Variants in PCARE observed in about 807,000 individuals in gnomAD.
PCARE encodes photoreceptor cilium actin regulator.
A neutral mutation model predicts 82.2 loss-of-function variants in PCARE; 72 were observed. The ratio of observed to expected loss-of-function variants is 0.88; its 90% CI spans 0.72 to 1.07. The LOEUF (loss-of-function observed/expected upper bound fraction) is 1.07, where lower values mean the gene tolerates loss of function less well. PCARE is among the 50% of genes least tolerant of loss of function. The pLI, the probability that PCARE is intolerant of heterozygous loss-of-function variation, is 0.00. For missense variants in PCARE, 1,768 were observed against 1,592.4 expected, an observed-to-expected ratio of 1.11 and a Z score of -1.88; for synonymous variants, 705 against 634.8, an observed-to-expected ratio of 1.11 and a Z score of -1.66.
Position 29,072,949 on chromosome 2 carries a change from G to C in PCARE, c.1313C>G (p.Thr438Arg), listed in dbSNP as rs750602329. ...TGGGGAGGTGATATTTTCTGGGCTT[G>C]TACTGGAGAGGCATGGGCTCCTTGC... ...DEARSPCLSS[T>R]SPENITSPPL... The change falls in exon 1 of 2, where the codon ACA (threonine) becomes AGA (arginine). Residue 438 changes from threonine (T) to arginine (R), a missense_variant. Transcript: ENST00000331664. 9.9e-6 allele frequency: 16 copies of C among 1,614,054 alleles called. No individual in the cohort carries two copies. The Admixed American group carries it at 1.7e-4, about 17-fold the overall frequency.
chr2:29,065,133 C>T, intron 1 of PCARE, 66 bp from the exon 2 acceptor site: 1 of 1,503,806 alleles, frequency 6.6e-7, no homozygotes, highest in South Asian at 1.2e-5. Flanking sequence ...TGCCCCACCC[C>T]TGTCCTCCAT....
rs1182199373 is a variant in PCARE at position 29,071,917 on chromosome 2, TGGGGCTTCGGATACAAA to T, written c.2328_2344del (p.Leu777AsnfsTer28). ...TTCTCTGCCTGATGCTGGAGAAATT[TGGGGCTTCGGATACAAA>T]GGGGCAAGCCCTGTGTACTTGGGAA... On this transcript the variant is annotated frameshift_variant, in exon 1 of 2. Coordinates refer to ENST00000331664, the MANE Select transcript of PCARE (RefSeq NM_001029883.3). LOFTEE classifies it high-confidence loss of function. 6.8e-6 allele frequency: 11 copies of T among 1,614,188 alleles called. No individual in the cohort carries two copies. Among genetic ancestry groups the T allele is most frequent in the Non-Finnish European group, 9.3e-6 (11 of 1,180,044 alleles).
Position 29,074,370 on chromosome 2 carries a change from C to T in PCARE, c.-109G>A. 2 of 1,229,662 alleles carry T rather than the reference C, an allele frequency of 1.6e-6. No homozygotes were observed. The highest frequency in any genetic ancestry group is 2.2e-6 in the Non-Finnish European group (2 of 897,870). 76.2% of individuals were successfully genotyped at this position (1,229,662 alleles called of 1,614,324 possible). On this transcript the variant is annotated 5_prime_UTR_variant, in exon 1 of 2. It introduces an in-frame stop codon into an upstream open reading frame of the 5' UTR. Transcript: ENST00000331664. Reference sequence around the variant, plus strand: ...TAGTCCATCCAGGCAATTTTCAGGCCAGAATTCTTTGAAGTCCATGGTACA... The same window carrying T: ...TAGTCCATCCAGGCAATTTTCAGGCTAGAATTCTTTGAAGTCCATGGTACA...
rs962368656 is a variant in PCARE at position 29,074,432 on chromosome 2, T to A, written c.-171A>T. On this transcript the variant is annotated 5_prime_UTR_variant, in exon 1 of 2. Coordinates refer to ENST00000331664, the MANE Select transcript of PCARE (RefSeq NM_001029883.3). ...TTGGAACCAGCTTTCTTTATTTTCT[T>A]GGTCCAAATGTGAAGAGGGAGTGGT... is the stretch of plus-strand genomic sequence containing the variant. 2.6e-5 allele frequency among the ~76,000 whole-genome samples: 4 copies of A among 152,198 alleles called. No individual in the cohort carries two copies. Among genetic ancestry groups the A allele is most frequent in the African/African-American group, 9.6e-5 (4 of 41,464 alleles).
At position 29,072,439 on chromosome 2, in the gene PCARE, G is replaced by T. The variant is rs761008813; in HGVS notation, c.1823C>A (p.Thr608Asn). The T allele has an allele frequency of 2.7e-5, 44 of 1,614,070 alleles. No homozygotes were observed. Among genetic ancestry groups the T allele is most frequent in the Admixed American group, 2.3e-4 (14 of 60,006 alleles). ...CTGGACCCTTCGCAGCTCCTGAAAGGTGGGGTCCTCCACGTGACTCTGGAG... is the reference window on the plus strand; with the variant it reads ...CTGGACCCTTCGCAGCTCCTGAAAGTTGGGGTCCTCCACGTGACTCTGGAG... ...SCLQSHVEDPTFQELRRVQRD... is the reference protein window; with the variant it reads ...SCLQSHVEDPNFQELRRVQRD... Residue 608 changes from threonine (T) to asparagine (N), a missense_variant, in exon 1 of 2, where the codon ACC becomes AAC. Physicochemically the swap from Thr to Asn is moderately conservative, Grantham distance 65. Transcript: ENST00000331664.
intron 1 of PCARE, among the ~76,000 whole-genome samples, chr2:29,066,867 A>C (rs546667880): frequency 6.6e-6 from 1 of 152,338 alleles, no homozygotes; most frequent in Non-Finnish European, 1.5e-5. Context: ...TGAGGGGAGA[A>C]AGTCTGGAGC....
In PCARE at chr2:29,072,978, GT is replaced by G. The variant is rs1464531921; in HGVS notation, c.1283del (p.Asp428AlafsTer21). The G allele has an allele frequency of 6.2e-7, 1 of 1,614,010 alleles. No individual in the cohort carries two copies. Among genetic ancestry groups the G allele is most frequent in the Non-Finnish European group, 8.5e-7 (1 of 1,180,016 alleles). ...TGGAGAGGCATGGGCTCCTTGCTTC[GT>G]CCTGTGCTCGTGGCTGAACCTTTGC... is the stretch of plus-strand genomic sequence containing the variant. ...PMAKVQPRAQ[D>X]EARSPCLSST... is the part of the protein sequence containing the mutation. On this transcript the variant is annotated frameshift_variant, in exon 1 of 2. Coordinates refer to ENST00000331664, the MANE Select transcript of PCARE (RefSeq NM_001029883.3). LOFTEE classifies it high-confidence loss of function.
chr2:29,064,597 T>A lies in PCARE; in HGVS notation c.*272A>T. ...TCTCCACCCCCCACCCCACCCCAAA[T>A]TAAGGCCAGCACTTGAAGCATTAAA... is the stretch of plus-strand genomic sequence containing the variant. On this transcript the variant is annotated 3_prime_UTR_variant, in exon 2 of 2. Transcript: ENST00000331664. 7.3e-6 allele frequency: 4 copies of A among 548,888 alleles called. No homozygotes were observed. Among genetic ancestry groups the A allele is most frequent in the Admixed American group, 3.1e-5 (1 of 31,908 alleles). 34.0% of individuals were successfully genotyped at this position (548,888 alleles called of 1,614,324 possible).
In PCARE at chr2:29,071,781, G is replaced by C. The variant is rs780530708; in HGVS notation, c.2481C>G (p.Leu827=). The change falls in exon 1 of 2, where the codon CTC becomes CTG. Residue 827 remains leucine, a synonymous_variant. Coordinates refer to ENST00000331664, the MANE Select transcript of PCARE (RefSeq NM_001029883.3). The stretch of plus-strand genomic sequence containing the variant: ...CCATAGGCGGTGGAGGGAGGTGCTC[G>C]AGGTTCCCCTCCATTTCACAGCTGA... ...EELSCEMEGN[L]EHLPPPPMEV... 3.7e-6 allele frequency: 6 copies of C among 1,613,498 alleles called. No individual in the cohort carries two copies. The highest frequency in any genetic ancestry group is 3.3e-5 in the Admixed American group (2 of 60,000).
At chr2:29,070,213 C>T (rs1369305620) in intron 1 of PCARE, among the ~76,000 whole-genome samples, 1 of 152,118 alleles carries the variant, frequency 6.6e-6, no homozygotes, top group Non-Finnish European at 1.5e-5. Flanking sequence ...AACCCATCAT[C>T]CAGGTTTTAA....
Position 29,071,815 on chromosome 2 carries a change from C to G in PCARE, c.2447G>C (p.Ser816Thr). 6.2e-7 allele frequency: 1 copy of G among 1,614,196 alleles called. No homozygotes were observed. Among genetic ancestry groups the G allele is most frequent in the Non-Finnish European group, 8.5e-7 (1 of 1,180,014 alleles). Residue 816 changes from serine to threonine, a missense_variant, in exon 1 of 2, where the codon AGT becomes ACT. By Grantham distance (58) the Ser-to-Thr change is moderately conservative. Coordinates refer to ENST00000331664, the MANE Select transcript of PCARE (RefSeq NM_001029883.3). ...PPLPKAEAAK[S>T]EELSCEMEGN... ...CTCCATTTCACAGCTGAGCTCCTCA[C>G]TCTTGGCTGCTTCTGCTTTAGGCAG... is the stretch of plus-strand genomic sequence containing the variant.
chr2:29,070,462 T>C (rs753872182), intron 1 of PCARE, 132 bp downstream of exon 1: 3 of 1,231,504 alleles, frequency 2.4e-6, no homozygotes, highest in Non-Finnish European at 3.5e-6. Context: ...CCCCTACACC[T>C]TTTTCCCAAC....
Position 29,069,973 on chromosome 2 carries a change from T to C in PCARE, c.3668+621A>G, listed in dbSNP as rs562885856. On this transcript the variant is annotated intron_variant, in intron 1 of 1. Coordinates refer to ENST00000331664, the MANE Select transcript of PCARE (RefSeq NM_001029883.3). Reference sequence around the variant, plus strand: ...GAAACATGGGGAGCCAGGCTGCTGGTTTGAGACACGGCACCAGTGAGCCAG... The same window carrying C: ...GAAACATGGGGAGCCAGGCTGCTGGCTTGAGACACGGCACCAGTGAGCCAG... Among the ~76,000 whole-genome samples the C allele has an allele frequency of 2.0e-5, 3 of 152,246 alleles. No homozygotes were observed. The East Asian group carries it at 5.8e-4, about 29-fold the overall frequency.
chr2:29,071,013 A>AG lies in PCARE; in HGVS notation c.3248dup (p.Ser1085LeufsTer22). ...GGGGTGATGGGGAGGGAATCGAGAA[A>AG]GGGGGGCTTGCTTCTGGGTGCTGGG... On this transcript the variant is annotated frameshift_variant, in exon 1 of 2. Coordinates refer to ENST00000331664, the MANE Select transcript of PCARE (RefSeq NM_001029883.3). LOFTEE classifies it high-confidence loss of function. The AG allele has an allele frequency of 8.9e-7, 1 of 1,123,170 alleles. No homozygotes were observed. Among genetic ancestry groups the AG allele is most frequent in the Non-Finnish European group, 1.1e-6 (1 of 884,592 alleles). The allele number at this position is 1,123,170 out of a possible 1,614,324, so 69.6% of individuals were successfully genotyped here.
intron 1 of PCARE, among the ~76,000 whole-genome samples, 197 bp from the exon 2 acceptor site, chr2:29,065,264 T>G (rs1572822417): frequency 6.6e-6 from 1 of 152,050 alleles, no homozygotes; most frequent in Non-Finnish European, 1.5e-5. Flanking sequence ...CCTGCAGGGG[T>G]GGGCGCTGTG....
At chr2:29,069,847 G>C (rs955112621) in intron 1 of PCARE, among the ~76,000 whole-genome samples, 1 of 152,010 alleles carries the variant, frequency 6.6e-6, no homozygotes. Flanking sequence ...ACACGCAAAG[G>C]CTCTTTTGGG....
chr2:29,066,037 AC>A (rs1187482229), intron 1 of PCARE, among the ~76,000 whole-genome samples: 1 of 152,134 alleles, frequency 6.6e-6, no homozygotes, highest in Non-Finnish European at 1.5e-5. Flanking sequence ...AATCCCAGCT[AC>A]TCAGGAGGCT....
chr2:29,071,676 G>T lies in PCARE; in HGVS notation c.2586C>A (p.Thr862=). The change falls in exon 1 of 2, where the codon ACC becomes ACA. Residue 862 remains threonine (T), a synonymous_variant. Coordinates refer to ENST00000331664, the MANE Select transcript of PCARE (RefSeq NM_001029883.3). ...SKSTENSPKE[T]QEPGPGEAGP... ...CAGCCTCTCCCGGCCCTGGCTCCTG[G>T]GTTTCCTTGGGGGAGTTCTCTGTGG... 6.2e-7 allele frequency: 1 copy of T among 1,614,066 alleles called. No individual in the cohort carries two copies. The highest frequency in any genetic ancestry group is 8.5e-7 in the Non-Finnish European group (1 of 1,179,962).
In PCARE at chr2:29,070,776, GCATTCTGCT is replaced by G; in HGVS notation, c.3477_3485del (p.Ala1160_Cys1162del). ...GCCAAGGCCCTGAGCTGTTCTTCCAGCATTCTGCTGGGTTCCCGAGAGGGCCCCCAGCCT... is the reference window on the plus strand; with the variant it reads ...GCCAAGGCCCTGAGCTGTTCTTCCAGGGGTTCCCGAGAGGGCCCCCAGCCT... On this transcript the variant is annotated inframe_deletion, in exon 1 of 2. Transcript: ENST00000331664. 6.2e-7 allele frequency: 1 copy of G among 1,614,154 alleles called. No individual in the cohort carries two copies. Among genetic ancestry groups the G allele is most frequent in the Non-Finnish European group, 8.5e-7 (1 of 1,180,040 alleles).
Sources: allele counts gnomAD v4.1 joint callset (sites outside exome capture counted in the v4.1 genomes callset), GRCh38; gene constraint gnomAD v4.1.1; transcripts MANE v1.5; gene names NCBI Gene and HGNC (gene_info 2026-07-23, HGNC 2026-07-21).